LYST: variants seen among roughly 807,000 people sequenced by gnomAD.
LYST encodes the protein lysosomal trafficking regulator.
In LYST, 192 loss-of-function variants were observed where a neutral mutation model predicts 413.6. The ratio of observed to expected loss-of-function variants is 0.46; its 90% CI spans 0.41 to 0.52. LYST has a LOEUF of 0.52. LYST is among the 20% of genes least tolerant of loss of function. LYST has a pLI of 0.00. For synonymous variants in LYST, 1,525 were observed against 1,567.3 expected, an observed-to-expected ratio of 0.97 and a Z score of 0.64; for missense variants, 3,815 against 4,499.9, an observed-to-expected ratio of 0.85 and a Z score of 4.35.
chr1:235,815,636 C>T (rs1408491440), intron 3 of LYST, among the ~76,000 whole-genome samples: 1 of 152,112 alleles, frequency 6.6e-6, no homozygotes, highest in African/African-American at 2.4e-5. Flanking sequence ...TTCCATACAT[C>T]GACAACACCC....
At position 235,765,396 on chromosome 1, in the gene LYST, G is replaced by T. The variant is rs1313231381; in HGVS notation, c.6121+683C>A. On this transcript the variant is annotated intron_variant, in intron 21 of 52. Coordinates refer to ENST00000389793, the MANE Select transcript of LYST (RefSeq NM_000081.4). The stretch of plus-strand genomic sequence containing the variant: ...TAGTTCCTTATTCCTGAATTCTACT[G>T]CAATAATTTACTTATAGCCTTTGCT... 2.0e-5 allele frequency among the ~76,000 whole-genome samples: 3 copies of T among 151,368 alleles called. No individual in the cohort carries two copies. In the East Asian group the frequency reaches 5.8e-4, roughly 29 times the overall value.
chr1:235,845,055 C>T (rs1031648292), intron 1 of LYST, among the ~76,000 whole-genome samples: 10 of 152,136 alleles, frequency 6.6e-5, no homozygotes, highest in African/African-American at 2.4e-4. Flanking sequence ...ATTTGAGCTC[C>T]AGATCCACTG....
rs1465311620 is a variant in LYST at position 235,729,665 on chromosome 1, A to G, written c.9045-8T>C. ...ATGCATCTTCGATTCACTCTGTCAA[A>G]ACATATTTAAAATTACTATGACTAA... On this transcript the variant is annotated splice_polypyrimidine_tract_variant and splice_region_variant and intron_variant, in intron 36 of 52. Transcript: ENST00000389793. 2 of 1,587,838 alleles carry G rather than the reference A, an allele frequency of 1.3e-6. No homozygotes were observed. Among genetic ancestry groups the G allele is most frequent in the South Asian group, 2.2e-5 (2 of 90,512 alleles).
chr1:235,730,565 ATATGTGTGTGTGTGTGTGTG>A (rs1185232072), intron 36 of LYST, among the ~76,000 whole-genome samples: 1 of 105,478 alleles, frequency 9.5e-6, no homozygotes. Context: ...ATACATATTT[ATATGTGTGTGTGTGTGTGTG>A]TGTGTGTGTG....
intron 14 of LYST, 90 bp downstream of exon 14, chr1:235,787,110 T>TTC (rs1171740498): frequency 1.6e-5 from 16 of 979,458 alleles, no homozygotes; most frequent in Admixed American, 1.5e-4. Context: ...ACCTAGAAGT[T>TTC]TCTGTATTCT....
chr1:235,828,193 C>A (rs2102986995), intron 3 of LYST: 1 of 940,168 alleles, frequency 1.1e-6, no homozygotes, highest in East Asian at 1.2e-4. Flanking sequence ...CATTAAAAGA[C>A]ATTTCATGAC....
intron 31 of LYST, chr1:235,737,880 T>C (rs1156257162): frequency 2.7e-6 from 3 of 1,109,136 alleles, no homozygotes; most frequent in Non-Finnish European, 3.3e-6. Context: ...CTGACTGTAT[T>C]TAAAGGTAGC....
intron 28 of LYST, among the ~76,000 whole-genome samples, chr1:235,748,986 C>T (rs1177471660): frequency 1.4e-5 from 2 of 147,548 alleles, no homozygotes; most frequent in Non-Finnish European, 3.0e-5. Context: ...TCAACAAATG[C>T]TAAATGAATC....
At chr1:235,691,009 C>T (rs1452861259) in intron 47 of LYST, among the ~76,000 whole-genome samples, 8 of 152,100 alleles carry the variant, frequency 5.3e-5, no homozygotes, top group East Asian at 1.9e-4. Context: ...CTCCGCCTCC[C>T]GGGTTCACGC....
rs753221963 is a variant in LYST, at chr1:235,804,486, A to G, written c.3555+18T>C. Reference sequence around the variant, plus strand: ...CTGGTCATACCCAAAGAACACAACTATATGTTGTTATTCATACCTTCTCAG... The same window carrying G: ...CTGGTCATACCCAAAGAACACAACTGTATGTTGTTATTCATACCTTCTCAG... On this transcript the variant is annotated intron_variant, in intron 7 of 52. Transcript: ENST00000389793. 2 of 1,600,546 alleles carry G rather than the reference A, an allele frequency of 1.2e-6. No individual in the cohort carries two copies. The highest frequency in any genetic ancestry group is 1.7e-6 in the Non-Finnish European group (2 of 1,167,712).
chr1:235,797,022 G>A (rs1412520136), intron 10 of LYST, among the ~76,000 whole-genome samples: 1 of 152,180 alleles, frequency 6.6e-6, no homozygotes. Context: ...CTTATACACT[G>A]ATGGTAAGAA....
intron 38 of LYST, among the ~76,000 whole-genome samples, chr1:235,724,899 C>T (rs1663712366): frequency 6.6e-6 from 1 of 152,170 alleles, no homozygotes; most frequent in Non-Finnish European, 1.5e-5. Flanking sequence ...ACTGGAAAAT[C>T]AGCACTAAGC....
chr1:235,698,597 C>T (rs568559843), intron 45 of LYST, among the ~76,000 whole-genome samples: 23 of 152,042 alleles, frequency 1.5e-4, no homozygotes, highest in African/African-American at 3.1e-4. Flanking sequence ...AAAGGCCGGG[C>T]GCGGTGGCTC....
chr1:235,689,603 T>C (rs1316877395), intron 47 of LYST, among the ~76,000 whole-genome samples: 1 of 152,230 alleles, frequency 6.6e-6, no homozygotes, highest in Non-Finnish European at 1.5e-5. Context: ...CTGTTAATAA[T>C]ACTGTGTTGT....
chr1:235,664,955 G>A lies in LYST; in HGVS notation c.11039-334C>T, dbSNP rs1044246427. Among the ~76,000 whole-genome samples, 1 of 152,038 alleles carries A rather than the reference G, an allele frequency of 6.6e-6. No individual in the cohort carries two copies. The highest frequency in any genetic ancestry group is 1.5e-5 in the Non-Finnish European group (1 of 68,018). On this transcript the variant is annotated intron_variant, in intron 50 of 52. Coordinates refer to ENST00000389793, the MANE Select transcript of LYST (RefSeq NM_000081.4). This position sits in a 1 kb window ranked among gnomAD's most constrained non-coding sequence, Gnocchi z 4.5. ...ACAACAGGTGCACGCCACCACATCC[G>A]GCTAATTTTTATATTTTTAGTAGAA...
chr1:235,685,194 T>C (rs1660115361), intron 48 of LYST, among the ~76,000 whole-genome samples: 2 of 152,178 alleles, frequency 1.3e-5, no homozygotes, highest in South Asian at 2.1e-4. Flanking sequence ...CTTAACAGGC[T>C]CCCTGATGTC....
chr1:235,810,294 T>A lies in LYST; in HGVS notation c.524A>T (p.Lys175Ile). The A allele has an allele frequency of 6.2e-7, 1 of 1,614,156 alleles. No homozygotes were observed. The change falls in exon 5 of 53, where the codon AAA becomes ATA. Residue 175 changes from lysine to isoleucine, a missense_variant. Lys to Ile is a moderately radical substitution (Grantham distance 102). Transcript: ENST00000389793. ...TSDSEANSDE[K>I]GIAMNKHRRP... ...TCTATGCTTATTCATTGCTATGCCT[T>A]TTTCATCTGAATTGGCTTCTGAATC...
intron 3 of LYST, chr1:235,828,732 G>C: frequency 1.3e-5 from 12 of 905,904 alleles, no homozygotes; most frequent in Non-Finnish European, 1.6e-5. Context: ...TTTTTATTGT[G>C]GGGAAGAACA....
Position 235,682,339 on chromosome 1 carries a change from GGA to G in LYST, c.10800+4608_10800+4609del, listed in dbSNP as rs986002264. On this transcript the variant is annotated intron_variant, in intron 48 of 52. Coordinates refer to ENST00000389793, the MANE Select transcript of LYST (RefSeq NM_000081.4). Reference sequence around the variant, plus strand: ...GACCCTGTATGCCCAAGAAGAAAGTGGAGAAAGAGAAGAGCAACAAGGAAAGG... The same window carrying G: ...GACCCTGTATGCCCAAGAAGAAAGTGGAAAGAGAAGAGCAACAAGGAAAGG... 1.1e-3 allele frequency among the ~76,000 whole-genome samples: 167 copies of G among 152,212 alleles called. 2 individuals carry two copies. The highest frequency in any genetic ancestry group is 3.9e-3 in the African/African-American group (163 of 41,546).
Sources: allele counts gnomAD v4.1 joint callset (sites outside exome capture counted in the v4.1 genomes callset), GRCh38; gene constraint gnomAD v4.1.1; non-coding constraint Gnocchi (gnomAD v3.1); transcripts MANE v1.5; gene names NCBI Gene and HGNC (gene_info 2026-07-23, HGNC 2026-07-21).